Variants in CAMK4 observed in about 807,000 individuals in gnomAD.
CAMK4 encodes the protein calcium/calmodulin-dependent protein kinase type IV.
A neutral mutation model predicts 44.9 loss-of-function variants in CAMK4; 22 were observed. The observed-to-expected ratio is 0.49, with a 90% CI of 0.35 to 0.70. The LOEUF is 0.70. Among genes scored for constraint, CAMK4 ranks in the 30% least tolerant of loss-of-function variants. CAMK4 has a pLI of 0.01. For synonymous variants in CAMK4, 218 were observed against 215.4 expected, an observed-to-expected ratio of 1.01 and a Z score of -0.11; for missense variants, 498 against 586.8, an observed-to-expected ratio of 0.85 and a Z score of 1.56.
chr5:111,456,177 C>A (rs1580777436), intron 7 of CAMK4, among the ~76,000 whole-genome samples: 1 of 151,736 alleles, frequency 6.6e-6, no homozygotes, highest in Non-Finnish European at 1.5e-5. Flanking sequence ...TGCCACAGTT[C>A]TTTAGTTTAG....
intron 3 of CAMK4, among the ~76,000 whole-genome samples, chr5:111,376,054 A>C (rs760473876): frequency 6.6e-6 from 1 of 152,188 alleles, no homozygotes; most frequent in South Asian, 2.1e-4. Flanking sequence ...ATGATCCACA[A>C]TTTGGGGCTA....
intron 5 of CAMK4, among the ~76,000 whole-genome samples, chr5:111,442,294 G>A (rs1380385138): frequency 1.3e-5 from 2 of 152,136 alleles, no homozygotes; most frequent in African/African-American, 2.4e-5. Context: ...AGGGGTTAGA[G>A]ACCAAGCTGG....
At chr5:111,376,650 G>T (rs1751223278) in intron 3 of CAMK4, among the ~76,000 whole-genome samples, 1 of 151,886 alleles carries the variant, frequency 6.6e-6, no homozygotes, top group Non-Finnish European at 1.5e-5. Context: ...ACATTTTATA[G>T]GAACTTTGAA....
intron 1 of CAMK4, among the ~76,000 whole-genome samples, chr5:111,335,047 C>A (rs149554729): frequency 6.6e-6 from 1 of 151,446 alleles, no homozygotes; most frequent in African/African-American, 2.4e-5. Flanking sequence ...AGAGATCCAG[C>A]TGGAGCGGAG....
At chr5:111,437,280 A>G (rs1467172637) in intron 5 of CAMK4, among the ~76,000 whole-genome samples, 1 of 152,256 alleles carries the variant, frequency 6.6e-6, no homozygotes, top group Non-Finnish European at 1.5e-5. Flanking sequence ...TCTATTACAA[A>G]TGAATAACAA....
Position 111,290,796 on chromosome 5 carries a change from A to C in CAMK4, c.162-53228A>C, listed in dbSNP as rs920843116. On this transcript the variant is annotated intron_variant, in intron 1 of 10. Coordinates refer to ENST00000282356, the MANE Select transcript of CAMK4 (RefSeq NM_001744.6). This position sits in a 1 kb window ranked among gnomAD's most constrained non-coding sequence, Gnocchi z 4.5. Reference sequence around the variant, plus strand: ...TGAGGTAAGGTGTCAAGGGTCCCCTACTAATACCTGGGGAGTAGAAAATCA... The same window carrying C: ...TGAGGTAAGGTGTCAAGGGTCCCCTCCTAATACCTGGGGAGTAGAAAATCA... 2.6e-5 allele frequency among the ~76,000 whole-genome samples: 4 copies of C among 152,190 alleles called. No individual in the cohort carries two copies. The highest frequency in any genetic ancestry group is 9.7e-5 in the African/African-American group (4 of 41,444).
chr5:111,238,491 C>T (rs75222056), intron 1 of CAMK4, among the ~76,000 whole-genome samples: 2,177 of 152,062 alleles, frequency 0.014, 51 homozygotes, highest in African/African-American at 0.05. Context: ...TCATCAGAAC[C>T]CGACCACACT....
intron 4 of CAMK4, 123 bp downstream of exon 4, chr5:111,377,065 TA>T (rs1165426223): frequency 3.5e-5 from 21 of 592,276 alleles, no homozygotes; most frequent in South Asian, 2.7e-4. Flanking sequence ...TAAATACTAC[TA>T]AAAAAAGTCT....
chr5:111,440,432 G>C (rs868628385), intron 5 of CAMK4, among the ~76,000 whole-genome samples: 6 of 151,680 alleles, frequency 4.0e-5, no homozygotes, highest in African/African-American at 1.4e-4. Context: ...TCAAATCCTA[G>C]TCACCACAAA....
chr5:111,375,516 C>T (rs1751181521), intron 3 of CAMK4, among the ~76,000 whole-genome samples: 1 of 152,076 alleles, frequency 6.6e-6, no homozygotes, highest in Non-Finnish European at 1.5e-5. Flanking sequence ...ATTAAGCCAT[C>T]TACTTCAAGA....
At chr5:111,435,086 A>G (rs1447450179) in intron 5 of CAMK4, among the ~76,000 whole-genome samples, 1 of 152,196 alleles carries the variant, frequency 6.6e-6, no homozygotes, top group Admixed American at 6.5e-5. Context: ...CACCCCCTGA[A>G]TTCAGAGCAG....
intron 2 of CAMK4, among the ~76,000 whole-genome samples, chr5:111,352,364 A>AG (rs1424608463): frequency 2.8e-5 from 1 of 36,122 alleles, no homozygotes; most frequent in African/African-American, 6.2e-5. Context: ...TGCTGTTCAC[A>AG]AATGGCAAAA....
intron 5 of CAMK4, among the ~76,000 whole-genome samples, chr5:111,432,052 T>A (rs1407191816): frequency 6.6e-6 from 1 of 152,148 alleles, no homozygotes; most frequent in Non-Finnish European, 1.5e-5. Context: ...ATATCTGCAC[T>A]CCCATGTTTG....
intron 1 of CAMK4, among the ~76,000 whole-genome samples, chr5:111,265,336 C>T (rs1750189377): frequency 6.6e-6 from 1 of 152,192 alleles, no homozygotes; most frequent in South Asian, 2.1e-4. Flanking sequence ...TTTTATACTT[C>T]ATGTAGCCTA....
At chr5:111,275,900 G>A (rs1176938500) in intron 1 of CAMK4, among the ~76,000 whole-genome samples, 1 of 151,636 alleles carries the variant, frequency 6.6e-6, no homozygotes. Flanking sequence ...CCCAAAATAG[G>A]TACAACTCTG....
At chr5:111,332,968 T>C (rs939433523) in intron 1 of CAMK4, among the ~76,000 whole-genome samples, 8 of 151,086 alleles carry the variant, frequency 5.3e-5, no homozygotes, top group Admixed American at 4.6e-4. Flanking sequence ...TTAACAGGAC[T>C]TATTAAGAAC....
chr5:111,429,589 A>G (rs1017582592), intron 5 of CAMK4, among the ~76,000 whole-genome samples: 8 of 151,820 alleles, frequency 5.3e-5, no homozygotes, highest in African/African-American at 1.9e-4. Context: ...CATGGGCAAC[A>G]TGGCGAAACC....
At chr5:111,419,650 C>G (rs1277723073) in intron 5 of CAMK4, among the ~76,000 whole-genome samples, 1 of 152,098 alleles carries the variant, frequency 6.6e-6, no homozygotes, top group African/African-American at 2.4e-5. Context: ...CCAGTTTCAG[C>G]TTTCTACATA....
intron 7 of CAMK4, among the ~76,000 whole-genome samples, chr5:111,456,439 C>T (rs1275085026): frequency 6.6e-6 from 1 of 151,620 alleles, no homozygotes; most frequent in African/African-American, 2.4e-5. Context: ...TGCAGTGAGC[C>T]GAGATAGCGC....
Sources: gnomAD v4.1 joint callset for allele counts (sites outside exome capture counted in the v4.1 genomes callset) on GRCh38, gnomAD v4.1.1 for gene constraint, Gnocchi (gnomAD v3.1) non-coding constraint, MANE v1.5 for transcripts, NCBI Gene and HGNC (gene_info 2026-07-23, HGNC 2026-07-21) for gene names.